The following ZFP91 variants were observed in gnomAD, a reference collection of about 807,000 sequenced individuals.
ZFP91 encodes the protein ZFP91 zinc finger protein, atypical E3 ubiquitin ligase.
A neutral mutation model predicts 63.5 loss-of-function variants in ZFP91; 7 were observed. That is an observed-to-expected ratio of 0.11 (90% CI 0.06 to 0.21). ZFP91 has a LOEUF of 0.21. ZFP91 is among the 10% of genes least tolerant of loss of function. The pLI is 1.00. For missense variants in ZFP91, 628 were observed against 736.6 expected, an observed-to-expected ratio of 0.85 and a Z score of 1.71; for synonymous variants, 330 against 272.1, an observed-to-expected ratio of 1.21 and a Z score of -2.10.
Position 58,618,172 on chromosome 11 carries a change from A to G in ZFP91, c.*466A>G. The G allele has an allele frequency of 6.3e-6, 1 of 157,950 alleles. No individual in the cohort carries two copies. Among genetic ancestry groups the G allele is most frequent in the Non-Finnish European group, 1.4e-5 (1 of 71,882 alleles). 9.8% of individuals were successfully genotyped at this position (157,950 alleles called of 1,614,324 possible). The stretch of plus-strand genomic sequence containing the variant: ...TGCGGCACACTTATCTTCAAATACC[A>G]TAGAATTCTAATCTCTGGAGGCTGG... On this transcript the variant is annotated 3_prime_UTR_variant, in exon 11 of 11. Transcript: ENST00000316059.
Position 58,617,183 on chromosome 11 carries a change from C to T in ZFP91, c.1203-13C>T. On this transcript the variant is annotated splice_polypyrimidine_tract_variant and intron_variant, in intron 10 of 10. Coordinates refer to ENST00000316059, the MANE Select transcript of ZFP91 (RefSeq NM_053023.5). This position sits in a 1 kb window ranked among gnomAD's most constrained non-coding sequence, Gnocchi z 4.2. ...TCTGTTGGATCAGCCATTTCCTTTT[C>T]TCCTCTCCTTAGATGTGAGATCTGT... The T allele has an allele frequency of 6.4e-7, 1 of 1,552,814 alleles. No individual in the cohort carries two copies. The highest frequency in any genetic ancestry group is 8.7e-7 in the Non-Finnish European group (1 of 1,153,624).
chr11:58,611,802 TG>T (rs1185775840), intron 6 of ZFP91, 64 bp downstream of exon 6: 1 of 1,534,288 alleles, frequency 6.5e-7, no homozygotes, highest in Non-Finnish European at 8.8e-7. Context: ...GAAAAAAGAG[TG>T]GGAGTGTGAG....
At chr11:58,597,911 C>CTAG (rs1332914522) in intron 2 of ZFP91, among the ~76,000 whole-genome samples, 1 of 152,102 alleles carries the variant, frequency 6.6e-6, no homozygotes, top group Non-Finnish European at 1.5e-5. Context: ...CTAGTGGCAA[C>CTAG]TCTTATGGGT....
At chr11:58,614,561 C>T (rs149962856) in intron 9 of ZFP91, among the ~76,000 whole-genome samples, 17 of 152,164 alleles carry the variant, frequency 1.1e-4, no homozygotes, top group East Asian at 7.7e-4. Context: ...CTTCTATGAC[C>T]GGGATAATGA....
In ZFP91 at chr11:58,617,177, C is replaced by G; in HGVS notation, c.1203-19C>G. ...TATTTCTCTGTTGGATCAGCCATTT[C>G]CTTTTCTCCTCTCCTTAGATGTGAG... On this transcript the variant is annotated intron_variant, in intron 10 of 10. Coordinates refer to ENST00000316059, the MANE Select transcript of ZFP91 (RefSeq NM_053023.5). This position sits in a 1 kb window ranked among gnomAD's most constrained non-coding sequence, Gnocchi z 4.2. The G allele has an allele frequency of 6.5e-6, 10 of 1,548,340 alleles. No individual in the cohort carries two copies. The South Asian group carries it at 1.3e-4, about 20-fold the overall frequency.
intron 1 of ZFP91, among the ~76,000 whole-genome samples, chr11:58,580,456 C>T (rs1481394857): frequency 2.0e-5 from 3 of 152,102 alleles, no homozygotes; most frequent in Non-Finnish European, 2.9e-5. Context: ...TTTGTAAATT[C>T]TAGAAATTAA....
At chr11:58,598,398 CAT>C (rs1855438719) in intron 2 of ZFP91, among the ~76,000 whole-genome samples, 1 of 152,066 alleles carries the variant, frequency 6.6e-6, no homozygotes, top group African/African-American at 2.4e-5. Flanking sequence ...AATTTTCTTA[CAT>C]ATTTTAAAAA....
At chr11:58,604,152 G>A (rs370860589) in intron 2 of ZFP91, among the ~76,000 whole-genome samples, 1 of 152,132 alleles carries the variant, frequency 6.6e-6, no homozygotes, top group Non-Finnish European at 1.5e-5. Context: ...TTGAGTCCTA[G>A]CCCTTAATAC....
intron 4 of ZFP91, 37 bp downstream of exon 4, chr11:58,610,371 G>A: frequency 6.5e-7 from 1 of 1,547,540 alleles, no homozygotes. Context: ...TTAAACCTTT[G>A]GGGACATAGC....
chr11:58,589,841 A>C (rs1171298256), intron 2 of ZFP91, among the ~76,000 whole-genome samples: 1 of 152,226 alleles, frequency 6.6e-6, no homozygotes, highest in Non-Finnish European at 1.5e-5. Flanking sequence ...AAATAAAGAT[A>C]TATGTCACTT....
At chr11:58,613,101 A>G (rs777697671) in intron 8 of ZFP91, among the ~76,000 whole-genome samples, 2 of 152,182 alleles carry the variant, frequency 1.3e-5, no homozygotes, top group Non-Finnish European at 1.5e-5. Flanking sequence ...ATACATTTGC[A>G]ACCTCCAGCA....
chr11:58,581,590 ACCTCAGGTGATCCACCCG>A (rs1650546827), intron 1 of ZFP91, among the ~76,000 whole-genome samples: 1 of 152,202 alleles, frequency 6.6e-6, no homozygotes, highest in African/African-American at 2.4e-5. Context: ...CCAACTCTTG[ACCTCAGGTGATCCACCCG>A]CCTCAGCCTC....
In ZFP91 at chr11:58,612,758, A is replaced by C; in HGVS notation, c.909-4A>C. On this transcript the variant is annotated splice_region_variant and splice_polypyrimidine_tract_variant and intron_variant, in intron 7 of 10. Transcript: ENST00000316059. ...CTAACTTTTCTTCTGCATTTTGATAATAGAAAAAAGCCTCCAATCCAGTAT... is the reference window on the plus strand; with the variant it reads ...CTAACTTTTCTTCTGCATTTTGATACTAGAAAAAAGCCTCCAATCCAGTAT... The C allele has an allele frequency of 6.2e-7, 1 of 1,601,698 alleles. No individual in the cohort carries two copies. The highest frequency in any genetic ancestry group is 8.5e-7 in the Non-Finnish European group (1 of 1,176,152).
In ZFP91 at chr11:58,579,540, A is replaced by G; in HGVS notation, c.259A>G (p.Arg87Gly). Residue 87 changes from arginine to glycine, a missense_variant, in exon 1 of 11, where the codon AGG (arginine) becomes GGG (glycine). Transcript: ENST00000316059. ...PRRRRSSPSA[R>G]PPDVPGQQPQ... ...CCGGCGGAGGAGCAGCCCCAGCGCC[A>G]GGCCTCCCGACGTCCCCGGGCAGCA... is the stretch of plus-strand genomic sequence containing the variant. 1 of 1,580,304 alleles carries G rather than the reference A, an allele frequency of 6.3e-7. No individual in the cohort carries two copies. The highest frequency in any genetic ancestry group is 8.6e-7 in the Non-Finnish European group (1 of 1,167,466).
intron 2 of ZFP91, among the ~76,000 whole-genome samples, chr11:58,596,832 C>A (rs1165453318): frequency 2.0e-5 from 3 of 152,100 alleles, no homozygotes; most frequent in Non-Finnish European, 1.5e-5. Flanking sequence ...ATAACGATGG[C>A]ATCTTCAGTG....
At chr11:58,613,342 T>C (rs1352097023) in intron 8 of ZFP91, among the ~76,000 whole-genome samples, 2 of 152,140 alleles carry the variant, frequency 1.3e-5, no homozygotes, top group African/African-American at 4.8e-5. Flanking sequence ...AATGATAATA[T>C]CAACCCATTT....
chr11:58,596,291 G>C (rs1323055443), intron 2 of ZFP91, among the ~76,000 whole-genome samples: 2 of 152,168 alleles, frequency 1.3e-5, no homozygotes, highest in Non-Finnish European at 2.9e-5. Flanking sequence ...CTTATCTCAG[G>C]GGGTGACAGA....
Position 58,617,274 on chromosome 11 carries a change from C to G in ZFP91, c.1281C>G (p.Phe427Leu), listed in dbSNP as rs779965177. 6.2e-7 allele frequency: 1 copy of G among 1,613,904 alleles called. No individual in the cohort carries two copies. Among genetic ancestry groups the G allele is most frequent in the East Asian group, 2.2e-5 (1 of 44,882 alleles). ...WHMKKHDADS[F>L]YQFSCNICGK... ...TGAAGAAACATGATGCAGACTCCTTCTACCAGTTTTCTTGCAATATCTGTG... is the reference window on the plus strand; with the variant it reads ...TGAAGAAACATGATGCAGACTCCTTGTACCAGTTTTCTTGCAATATCTGTG... The change falls in exon 11 of 11, where the codon TTC becomes TTG. Residue 427 changes from phenylalanine (F) to leucine (L), a missense_variant. Coordinates refer to ENST00000316059, the MANE Select transcript of ZFP91 (RefSeq NM_053023.5). This position sits in a 1 kb window ranked among gnomAD's most constrained non-coding sequence, Gnocchi z 4.2.
chr11:58,615,625 GT>G (rs976663734), intron 9 of ZFP91, among the ~76,000 whole-genome samples: 1 of 152,174 alleles, frequency 6.6e-6, no homozygotes, highest in Non-Finnish European at 1.5e-5. Flanking sequence ...GATGCTAAGA[GT>G]TTCCTAAGTT....
Sources: gnomAD v4.1 joint callset for allele counts (sites outside exome capture counted in the v4.1 genomes callset) on GRCh38, gnomAD v4.1.1 for gene constraint, Gnocchi (gnomAD v3.1) non-coding constraint, MANE v1.5 for transcripts, NCBI Gene and HGNC (gene_info 2026-07-23, HGNC 2026-07-21) for gene names.